Variants in LILRA1 observed in about 807,000 individuals in gnomAD.
LILRA1 encodes leukocyte immunoglobulin like receptor A1, also known as leukocyte immunoglobulin-like receptor subfamily A member 1.
LILRA1 carries 51 observed loss-of-function variants against 51.6 expected under a neutral mutation model. The observed-to-expected ratio is 0.99, with a 90% confidence interval of 0.79 to 1.25. LILRA1 has a LOEUF of 1.25. LILRA1 is among the 50% of genes most tolerant of loss of function. The probability of loss-of-function intolerance (pLI) is 0.00; values close to 1 mark genes in which losing one functional copy is unlikely to be tolerated. For missense variants in LILRA1, 660 were observed against 611.7 expected, an observed-to-expected ratio of 1.08 and a Z score of -0.83; for synonymous variants, 305 against 248.4, an observed-to-expected ratio of 1.23 and a Z score of -2.14.
At chr19:54,599,785 G>T (rs1340141873) in intron 8 of LILRA1, 6 of 319,284 alleles carry the variant, frequency 1.9e-5, no homozygotes, top group Non-Finnish European at 2.8e-5. Flanking sequence ...AAATTCATTT[G>T]ATGTATATTC....
rs377480944 is a variant in LILRA1 at position 54,595,920 on chromosome 19, G to A, written c.943G>A (p.Asp315Asn). ...SEWSAPSDPL[D>N]ILIAGQFRGR... The stretch of plus-strand genomic sequence containing the variant: ...GTGGTCGGCCCCCAGCGACCCCCTG[G>A]ACATCCTGATCGCAGGTGAGGAGCC... Residue 315 changes from aspartate (D) to asparagine (N), a missense_variant, in exon 6 of 10, where the codon GAC (aspartate) becomes AAC (asparagine). Physicochemically the swap from Asp to Asn is conservative, Grantham distance 23. Coordinates refer to ENST00000251372, the MANE Select transcript of LILRA1 (RefSeq NM_006863.4). The A allele has an allele frequency of 5.0e-6, 8 of 1,612,836 alleles. No individual in the cohort carries two copies. Among genetic ancestry groups the A allele is most frequent in the Admixed American group, 1.7e-5 (1 of 59,992 alleles).
In LILRA1 at chr19:54,595,318, T is replaced by C; in HGVS notation, c.577T>C (p.Trp193Arg). Residue 193 changes from tryptophan (W) to arginine (R), a missense_variant, in exon 5 of 10, where the codon TGG becomes CGG. Coordinates refer to ENST00000251372, the MANE Select transcript of LILRA1 (RefSeq NM_006863.4). ...GGGCCCCGTGAGCCCGAGTCGCAGG[T>C]GGTCGTACAGGTGCTATGCTTATGA... ...SVGPVSPSRR[W>R]SYRCYAYDSN... is the part of the protein sequence containing the mutation. The C allele has an allele frequency of 6.2e-7, 1 of 1,614,002 alleles. No homozygotes were observed. The highest frequency in any genetic ancestry group is 1.3e-5 in the African/African-American group (1 of 75,010).
chr19:54,599,239 C>G lies in LILRA1; in HGVS notation c.1265C>G (p.Ala422Gly), dbSNP rs781567817. 3.2e-6 allele frequency: 5 copies of G among 1,570,274 alleles called. No homozygotes were observed. Among genetic ancestry groups the G allele is most frequent in the African/African-American group, 2.7e-5 (2 of 73,586 alleles). The change falls in exon 8 of 10, where the codon GCA (alanine) becomes GGA (glycine). Residue 422 changes from alanine (A) to glycine (G), a missense_variant. Ala to Gly is a moderately conservative substitution (Grantham distance 60). Coordinates refer to ENST00000251372, the MANE Select transcript of LILRA1 (RefSeq NM_006863.4). The stretch of plus-strand genomic sequence containing the variant: ...TCTCCTCTGTTTTGATTCTCAGGAG[C>G]AGCTGAGACCCTCAGCCCACCACAA... Reference protein sequence around the residue: ...SDSLELMVSGAAETLSPPQNK... With the variant: ...SDSLELMVSGGAETLSPPQNK...
Position 54,595,281 on chromosome 19 carries a change from C to T in LILRA1, c.540C>T (p.Ala180=). The T allele has an allele frequency of 6.2e-7, 1 of 1,614,104 alleles. No homozygotes were observed. Among genetic ancestry groups the T allele is most frequent in the Non-Finnish European group, 8.5e-7 (1 of 1,179,974 alleles). ...CCCGTACCCATGGGTGGTCCCGGGCCATCTTCTCTGTGGGCCCCGTGAGCC... is the reference window on the plus strand; with the variant it reads ...CCCGTACCCATGGGTGGTCCCGGGCTATCTTCTCTGTGGGCCCCGTGAGCC... ...SQPRTHGWSR[A]IFSVGPVSPS... The change falls in exon 5 of 10, where the codon GCC becomes GCT. Residue 180 remains alanine, a synonymous_variant. Coordinates refer to ENST00000251372, the MANE Select transcript of LILRA1 (RefSeq NM_006863.4).
rs1015337893 is a variant in LILRA1 at position 54,600,953 on chromosome 19, A to G, written c.*136A>G. 5.2e-6 allele frequency: 5 copies of G among 954,578 alleles called. No individual in the cohort carries two copies. Among genetic ancestry groups the G allele is most frequent in the Non-Finnish European group, 5.0e-6 (3 of 600,612 alleles). The allele number at this position is 954,578 out of a possible 1,614,324, so 59.1% of individuals were successfully genotyped here. A position where few individuals can be genotyped will look rare whatever the true frequency, so the allele number is the denominator to read the frequency against. ...ATGCTATCTGGACTGTCTGCCAATC[A>G]TTTTTAGAGGGAGGAATCAGTGTTG... is the stretch of plus-strand genomic sequence containing the variant. On this transcript the variant is annotated 3_prime_UTR_variant, in exon 10 of 10. Coordinates refer to ENST00000251372, the MANE Select transcript of LILRA1 (RefSeq NM_006863.4).
At chr19:54,598,174 T>C (rs1031619839) in intron 7 of LILRA1, among the ~76,000 whole-genome samples, 5 of 152,076 alleles carry the variant, frequency 3.3e-5, no homozygotes, top group Non-Finnish European at 5.9e-5. Context: ...GCTTTCTATA[T>C]GTATGCTCTC....
At chr19:54,594,071 G>C in intron 1 of LILRA1, 126 bp from the exon 2 acceptor site, 1 of 1,035,086 alleles carries the variant, frequency 9.7e-7, no homozygotes, top group Non-Finnish European at 1.4e-6. Context: ...GCTCCTGGTA[G>C]GGTAGTTCTG....
At chr19:54,599,169 T>A in intron 7 of LILRA1, 67 bp from the exon 8 acceptor site, 1 of 1,431,458 alleles carries the variant, frequency 7.0e-7, no homozygotes, top group Admixed American at 1.9e-5. Context: ...TTATACATAA[T>A]CTTATATAGA....
chr19:54,598,797 A>T (rs181681686), intron 7 of LILRA1, among the ~76,000 whole-genome samples: 133 of 150,764 alleles, frequency 8.8e-4, no homozygotes, highest in African/African-American at 2.6e-3. Flanking sequence ...GAATATAATT[A>T]AAAAAAATTT....
intron 7 of LILRA1, among the ~76,000 whole-genome samples, chr19:54,598,215 C>T (rs2063099285): frequency 6.6e-6 from 1 of 151,962 alleles, no homozygotes; most frequent in Admixed American, 6.6e-5. Context: ...AGCAATACTT[C>T]AATATATAAA....
At position 54,595,398 on chromosome 19, in the gene LILRA1, C is replaced by G; in HGVS notation, c.657C>G (p.Val219=). ...CCAGTGATCTCCTGGAGCTCCTGGT[C>G]CTAGGTGAGAAATTCACAGCATTGC... ...SLPSDLLELL[V]LGVSKKPSLS... Residue 219 remains valine, a synonymous_variant, in exon 5 of 10, where the codon GTC becomes GTG. Transcript: ENST00000251372. The G allele has an allele frequency of 6.2e-7, 1 of 1,606,562 alleles. No individual in the cohort carries two copies. The highest frequency in any genetic ancestry group is 1.1e-5 in the South Asian group (1 of 90,680).
rs114340127 is a variant in LILRA1, at chr19:54,601,124, G to A, written c.*307G>A. 227 of 478,236 alleles carry A rather than the reference G, an allele frequency of 4.7e-4. No individual in the cohort carries two copies. Among genetic ancestry groups the A allele is most frequent in the African/African-American group, 4.1e-3 (210 of 51,314 alleles). The allele number at this position is 478,236 out of a possible 1,614,324, so 29.6% of individuals were successfully genotyped here. On this transcript the variant is annotated 3_prime_UTR_variant, in exon 10 of 10. Coordinates refer to ENST00000251372, the MANE Select transcript of LILRA1 (RefSeq NM_006863.4). ...ATGAGGCTACATCCCACATGGCAGC[G>A]TTGGGTCCACACCTCTGCACATCTG...
chr19:54,598,432 C>G (rs760045539), intron 7 of LILRA1, among the ~76,000 whole-genome samples: 12 of 152,030 alleles, frequency 7.9e-5, no homozygotes, highest in Non-Finnish European at 1.8e-4. Flanking sequence ...CACAATGGCC[C>G]GAGCGAAACT....
At position 54,600,680 on chromosome 19, in the gene LILRA1, C is replaced by A; in HGVS notation, c.1352-19C>A. On this transcript the variant is annotated intron_variant, in intron 9 of 9. Coordinates refer to ENST00000251372, the MANE Select transcript of LILRA1 (RefSeq NM_006863.4). ...TGATCTGCCCTGACCTCTGTGACCT[C>A]TTTGCCCACCATCCCCAGCCTCACA... 1.9e-6 allele frequency: 3 copies of A among 1,613,926 alleles called. No individual in the cohort carries two copies. The highest frequency in any genetic ancestry group is 2.5e-6 in the Non-Finnish European group (3 of 1,179,840).
intron 9 of LILRA1, 58 bp downstream of exon 9, chr19:54,600,608 G>A: frequency 1.2e-6 from 2 of 1,612,386 alleles, no homozygotes; most frequent in Non-Finnish European, 1.7e-6. Flanking sequence ...GTCCTGTCAA[G>A]GGTAAGGAGG....
In LILRA1 at chr19:54,596,505, C is replaced by T; in HGVS notation, c.1261+14C>T. The T allele has an allele frequency of 6.2e-7, 1 of 1,614,048 alleles. No homozygotes were observed. Among genetic ancestry groups the T allele is most frequent in the South Asian group, 1.1e-5 (1 of 91,078 alleles). On this transcript the variant is annotated intron_variant, in intron 7 of 9. Transcript: ENST00000251372. The stretch of plus-strand genomic sequence containing the variant: ...TCATGGTCTCAGGTGAGGGCCCTGA[C>T]CCTGTCCTCTCCGAGCTCAAAGGAT...
In LILRA1 at chr19:54,594,460, G is replaced by C. The variant is rs773773782; in HGVS notation, c.54G>C (p.Arg18=). The part of the protein sequence containing the change: ...LICLRLSLGP[R]THVQAGTLPK... ...TTCCAGGGCTGAGTCTGGGCCCCCG[G>C]ACCCACGTGCAGGCAGGTGAGTCTG... Residue 18 remains arginine, a synonymous_variant, in exon 3 of 10, where the codon CGG becomes CGC. Coordinates refer to ENST00000251372, the MANE Select transcript of LILRA1 (RefSeq NM_006863.4). 1.9e-6 allele frequency: 3 copies of C among 1,614,028 alleles called. No individual in the cohort carries two copies. The highest frequency in any genetic ancestry group is 2.5e-6 in the Non-Finnish European group (3 of 1,180,028).
Position 54,595,824 on chromosome 19 carries a change from A to T in LILRA1, c.847A>T (p.Thr283Ser). The change falls in exon 6 of 10, where the codon ACC becomes TCC. Residue 283 changes from threonine to serine, a missense_variant. By Grantham distance (58) the Thr-to-Ser change is moderately conservative. Coordinates refer to ENST00000251372, the MANE Select transcript of LILRA1 (RefSeq NM_006863.4). ...PQAGLSQANF[T>S]LGPVSRSYGG... ...GGCTGGGCTCTCCCAGGCCAACTTC[A>T]CCCTGGGCCCTGTGAGCCGCTCCTA... 2 of 1,614,116 alleles carry T rather than the reference A, an allele frequency of 1.2e-6. No homozygotes were observed. Among genetic ancestry groups the T allele is most frequent in the Non-Finnish European group, 1.7e-6 (2 of 1,180,004 alleles).
At chr19:54,598,957 C>A (rs549063680) in intron 7 of LILRA1, among the ~76,000 whole-genome samples, 12 of 151,858 alleles carry the variant, frequency 7.9e-5, no homozygotes, top group African/African-American at 2.4e-4. Context: ...CACCATGCCC[C>A]GCTAATTTTT....
Sources: gnomAD v4.1 joint callset for allele counts (sites outside exome capture counted in the v4.1 genomes callset) on GRCh38, gnomAD v4.1.1 for gene constraint, MANE v1.5 for transcripts, NCBI Gene and HGNC (gene_info 2026-07-23, HGNC 2026-07-21) for gene names.